LRRC4C: variants seen among roughly 807,000 people sequenced by gnomAD.
LRRC4C encodes leucine rich repeat containing 4C.
In LRRC4C, 5 loss-of-function variants were observed where a neutral mutation model predicts 33.6. The observed-to-expected ratio is 0.15, with a 90% CI of 0.08 to 0.31. The LOEUF (loss-of-function observed/expected upper bound fraction) is 0.31, where lower values mean the gene tolerates loss of function less well. Among genes scored for constraint, LRRC4C ranks in the 10% least tolerant of loss-of-function variants. LRRC4C has a pLI of 1.00. For missense variants in LRRC4C, 560 were observed against 796.7 expected, an observed-to-expected ratio of 0.70 and a Z score of 3.58; for synonymous variants, 329 against 302.0, an observed-to-expected ratio of 1.09 and a Z score of -0.93.
chr11:40,938,343 C>T (rs767730099), intron 1 of LRRC4C, among the ~76,000 whole-genome samples: 14 of 146,994 alleles, frequency 9.5e-5, no homozygotes, highest in Non-Finnish European at 1.6e-4. Context: ...TGAGGAAAGC[C>T]TATGGATAAT....
At chr11:40,229,270 A>AAT (rs1479823923) in intron 5 of LRRC4C, among the ~76,000 whole-genome samples, 4 of 151,778 alleles carry the variant, frequency 2.6e-5, no homozygotes, top group Admixed American at 1.3e-4. Flanking sequence ...ACTTATGGTT[A>AAT]ATATATATAT....
intron 3 of LRRC4C, among the ~76,000 whole-genome samples, chr11:40,554,501 T>G (rs1286778365): frequency 6.6e-6 from 1 of 152,122 alleles, no homozygotes; most frequent in Non-Finnish European, 1.5e-5. Context: ...CTGTAAAAAA[T>G]GATGTTGTGA....
intron 1 of LRRC4C, among the ~76,000 whole-genome samples, chr11:41,072,560 T>A (rs979180318): frequency 6.6e-6 from 1 of 151,998 alleles, no homozygotes; most frequent in Admixed American, 6.6e-5. Context: ...CCCTCTTCAG[T>A]CATGATTGTA....
intron 1 of LRRC4C, among the ~76,000 whole-genome samples, chr11:41,215,219 G>T (rs1947005666): frequency 6.6e-6 from 1 of 151,572 alleles, no homozygotes. Flanking sequence ...CAGGAGTAGT[G>T]GCTCACGTCT....
At chr11:40,736,807 T>C (rs1947888875) in intron 2 of LRRC4C, among the ~76,000 whole-genome samples, 1 of 152,132 alleles carries the variant, frequency 6.6e-6, no homozygotes, top group Admixed American at 6.5e-5. Flanking sequence ...CACATAAATG[T>C]CATCTTTTGA....
chr11:40,115,473 G>C lies in LRRC4C; in HGVS notation c.820C>G (p.Leu274Val). 1 of 1,614,194 alleles carries C rather than the reference G, an allele frequency of 6.2e-7. No individual in the cohort carries two copies. The highest frequency in any genetic ancestry group is 8.5e-7 in the Non-Finnish European group (1 of 1,180,028). ...AGTAATGTTAGATTATTGTGTGCCA[G>C]GTTGATCTCCACTAGTGACTGAAGG... ...DNLQSLVEINLAHNNLTLLPH... is the reference protein window; with the variant it reads ...DNLQSLVEINVAHNNLTLLPH... Residue 274 changes from leucine to valine, a missense_variant, in exon 7 of 7, where the codon CTG (leucine) becomes GTG (valine). By Grantham distance (32) the Leu-to-Val change is conservative. Coordinates refer to ENST00000528697, the MANE Select transcript of LRRC4C (RefSeq NM_001258419.2). This position sits in a 1 kb window ranked among gnomAD's most constrained non-coding sequence, Gnocchi z 6.7.
rs193248594 is a variant in LRRC4C at position 40,758,219 on chromosome 11, G to A, written c.-406-109941C>T. On this transcript the variant is annotated intron_variant, in intron 2 of 6. Transcript: ENST00000528697. ...TAAATTATATGGGATGCTTGTCTCCGAGGAGCTATGTTCTATTGAGTAACT... is the reference window on the plus strand; with the variant it reads ...TAAATTATATGGGATGCTTGTCTCCAAGGAGCTATGTTCTATTGAGTAACT... 5.9e-5 allele frequency among the ~76,000 whole-genome samples: 9 copies of A among 152,054 alleles called. No individual in the cohort carries two copies. The East Asian group carries it at 1.4e-3, about 23-fold the overall frequency.
At chr11:41,271,030 A>G (rs1219839042) in intron 1 of LRRC4C, among the ~76,000 whole-genome samples, 1 of 151,986 alleles carries the variant, frequency 6.6e-6, no homozygotes, top group Non-Finnish European at 1.5e-5. Context: ...GAATAATCTT[A>G]TTCTGAGATC....
chr11:40,548,601 A>G (rs560533449), intron 3 of LRRC4C, among the ~76,000 whole-genome samples: 1 of 152,188 alleles, frequency 6.6e-6, no homozygotes, highest in South Asian at 2.1e-4. Flanking sequence ...ATGCTGTGTT[A>G]TGGCAGCCCT....
chr11:40,676,325 G>A (rs1351971589), intron 2 of LRRC4C, among the ~76,000 whole-genome samples: 1 of 151,942 alleles, frequency 6.6e-6, no homozygotes, highest in African/African-American at 2.4e-5. Context: ...CTTGTCTTTT[G>A]GTTTCATTGA....
intron 2 of LRRC4C, among the ~76,000 whole-genome samples, chr11:40,677,865 G>T (rs1944480772): frequency 6.6e-6 from 1 of 152,058 alleles, no homozygotes; most frequent in Admixed American, 6.6e-5. Context: ...CCTCCAATCT[G>T]CTTCCTGAAA....
chr11:40,477,598 T>C (rs552153363), intron 3 of LRRC4C, among the ~76,000 whole-genome samples: 1 of 152,338 alleles, frequency 6.6e-6, no homozygotes, highest in Admixed American at 6.5e-5. Flanking sequence ...TAAATATGGT[T>C]TGATTTCCTT....
chr11:40,794,927 CTAAT>C (rs1950765855), intron 2 of LRRC4C, among the ~76,000 whole-genome samples: 1 of 152,144 alleles, frequency 6.6e-6, no homozygotes, highest in Non-Finnish European at 1.5e-5. Flanking sequence ...TTGAGTGCTT[CTAAT>C]TAATTTTCTC....
At chr11:40,622,236 AC>A (rs1463625137) in intron 3 of LRRC4C, among the ~76,000 whole-genome samples, 1 of 151,960 alleles carries the variant, frequency 6.6e-6, no homozygotes, top group African/African-American at 2.4e-5. Context: ...CCAAATTTAT[AC>A]TGTAAAATCA....
intron 1 of LRRC4C, among the ~76,000 whole-genome samples, chr11:41,019,739 T>C (rs988827171): frequency 6.6e-6 from 1 of 152,208 alleles, no homozygotes; most frequent in Non-Finnish European, 1.5e-5. Context: ...GGTATCTCAC[T>C]GTGGTTTTGA....
intron 2 of LRRC4C, among the ~76,000 whole-genome samples, chr11:40,916,489 T>C (rs936020461): frequency 3.9e-5 from 6 of 152,094 alleles, no homozygotes; most frequent in South Asian, 2.1e-4. Flanking sequence ...TAGGTGGGAA[T>C]TGAACAATGA....
intron 3 of LRRC4C, among the ~76,000 whole-genome samples, chr11:40,538,572 G>A (rs2135368762): frequency 6.6e-6 from 1 of 152,274 alleles, no homozygotes; most frequent in African/African-American, 2.4e-5. Context: ...TTGCTATTGT[G>A]AATAGTGCCG....
intron 2 of LRRC4C, among the ~76,000 whole-genome samples, chr11:40,659,450 G>A (rs1331029732): frequency 1.3e-5 from 2 of 152,114 alleles, no homozygotes; most frequent in African/African-American, 2.4e-5. Flanking sequence ...CCAATTCCAG[G>A]TGGAGTCCAT....
At chr11:40,200,060 C>G (rs1310693353) in intron 5 of LRRC4C, among the ~76,000 whole-genome samples, 2 of 151,594 alleles carry the variant, frequency 1.3e-5, no homozygotes, top group Non-Finnish European at 2.9e-5. Flanking sequence ...ACTCTTAATA[C>G]AACTGGGCAC....
Sources: allele counts gnomAD v4.1 joint callset (sites outside exome capture counted in the v4.1 genomes callset), GRCh38; gene constraint gnomAD v4.1.1; non-coding constraint Gnocchi (gnomAD v3.1); transcripts MANE v1.5; gene names NCBI Gene and HGNC (gene_info 2026-07-23, HGNC 2026-07-21).